The following PIN4 variants were observed in gnomAD, a reference collection of about 807,000 sequenced individuals.
PIN4 encodes peptidyl-prolyl cis-trans isomerase NIMA-interacting 4.
Under a neutral mutation model 8.3 loss-of-function variants are expected in PIN4, and 3 were observed. The ratio of observed to expected loss-of-function variants is 0.36; its 90% CI spans 0.16 to 0.93. The LOEUF (loss-of-function observed/expected upper bound fraction) is 0.93, where lower values mean the gene tolerates loss of function less well. Ranked by LOEUF, PIN4 falls within the 40% of genes least tolerant of loss-of-function variation. The probability of loss-of-function intolerance (pLI) is 0.44; values close to 1 mark genes in which losing one functional copy is unlikely to be tolerated. For missense variants in PIN4, 75 were observed against 100.6 expected, an observed-to-expected ratio of 0.75 and a Z score of 1.09; for synonymous variants, 18 against 32.5, an observed-to-expected ratio of 0.55 and a Z score of 1.52.
chrX:72,181,702 G>T, upstream of PIN4: 1 of 985,746 alleles, frequency 1.0e-6, no homozygotes, highest in Non-Finnish European at 1.5e-6. Context: ...TCAGGCATTT[G>T]TTTAGGACAT....
downstream of PIN4, among the ~76,000 whole-genome samples, chrX:72,200,006 A>G (rs1217411543): frequency 2.7e-5 from 3 of 110,972 alleles, no homozygotes; most frequent in Non-Finnish European, 5.7e-5. Flanking sequence ...TCTCTACTAA[A>G]AATACAAAAA....
intron 3 of PIN4, among the ~76,000 whole-genome samples, chrX:72,257,033 C>T (rs888469569): frequency 5.3e-5 from 6 of 112,285 alleles, no homozygotes; most frequent in South Asian, 3.7e-4. Flanking sequence ...AGAAAAGTGA[C>T]ATGATAGCTG....
At chrX:72,204,959 C>G (rs1455177182) in intron 3 of PIN4, 2 of 1,028,755 alleles carry the variant, frequency 1.9e-6, no homozygotes, top group African/African-American at 3.8e-5. Context: ...ATTATGGGAA[C>G]AAAAATTCCC....
At chrX:72,230,817 T>C (rs761775333) in intron 3 of PIN4, among the ~76,000 whole-genome samples, 1 of 110,618 alleles carries the variant, frequency 9.0e-6, no homozygotes, top group East Asian at 2.9e-4. Flanking sequence ...TACAAAAAAT[T>C]AGCCAGGCAT....
chrX:72,239,650 C>T lies in PIN4; in HGVS notation c.313-23057C>T, dbSNP rs761711236. Among the ~76,000 whole-genome samples the T allele has an allele frequency of 2.7e-5, 3 of 109,384 alleles. No individual in the cohort carries two copies. The East Asian group carries it at 8.7e-4, about 32-fold the overall frequency. The allele number at this position is 109,384 out of a possible 115,157, so 95.0% of individuals were successfully genotyped here. ...AGCCGGGCGTGGTGGCGGGCGCCCG[C>T]AGTCCCAGCTACTCGGGTGGCTGAG... On this transcript the variant is annotated intron_variant, in intron 3 of 3. Transcript: ENST00000423432.
At chrX:72,255,913 C>T (rs941781784) in intron 3 of PIN4, 2 of 111,484 alleles carry the variant, frequency 1.8e-5, no homozygotes, top group Admixed American at 1.9e-4. Flanking sequence ...GTTCTGGAAA[C>T]TCCAACGTTC....
chrX:72,228,338 G>A (rs1465806252), intron 3 of PIN4, among the ~76,000 whole-genome samples: 1 of 111,550 alleles, frequency 9.0e-6, no homozygotes, highest in African/African-American at 3.3e-5. Context: ...TCTAACAAAG[G>A]GACCTTACCA....
intron 2 of PIN4, among the ~76,000 whole-genome samples, chrX:72,189,505 G>T (rs2042721321): frequency 8.9e-6 from 1 of 112,031 alleles, no homozygotes; most frequent in African/African-American, 3.3e-5. Flanking sequence ...ATTCGCTGGA[G>T]ATTTCATTCA....
In PIN4 at chrX:72,197,672, A is replaced by C; in HGVS notation, c.*146A>C. 1.9e-6 allele frequency: 2 copies of C among 1,055,684 alleles called. No individual in the cohort carries two copies. The highest frequency in any genetic ancestry group is 3.8e-5 in the African/African-American group (2 of 53,097). The allele number at this position is 1,055,684 out of a possible 1,213,427, so 87.0% of individuals were successfully genotyped here. ...CTCCTTGTATTCTGTGAAAGCTCTA[A>C]GTATGGGTTTGTAGGTGTAAGAGAG... On this transcript the variant is annotated 3_prime_UTR_variant, in exon 4 of 4. Coordinates refer to ENST00000373669, the MANE Select transcript of PIN4 (RefSeq NM_006223.4).
intron 3 of PIN4, chrX:72,204,801 C>A: frequency 3.5e-6 from 1 of 284,554 alleles, no homozygotes; most frequent in Non-Finnish European, 6.1e-6. Flanking sequence ...ATAGAATATG[C>A]CTAAAATATA....
chrX:72,229,771 C>G (rs763085574), intron 3 of PIN4, among the ~76,000 whole-genome samples: 52 of 111,845 alleles, frequency 4.6e-4, no homozygotes, highest in Middle Eastern at 9.2e-3. Flanking sequence ...CCCTTAATAG[C>G]CACCTTGGGT....
At chrX:72,244,394 G>T (rs2043060040) in intron 3 of PIN4, among the ~76,000 whole-genome samples, 1 of 111,837 alleles carries the variant, frequency 8.9e-6, no homozygotes, top group African/African-American at 3.2e-5. Context: ...AAAAGGGAAG[G>T]GAAGGGCATT....
Position 72,234,588 on chromosome X carries a change from A to AT in PIN4, c.313-28108dup, listed in dbSNP as rs1182637953. The stretch of plus-strand genomic sequence containing the variant: ...GAAATGAAAATAGGATCAAGAGAGG[A>AT]TTTTTTTTTTTAACAATGAAAGAAT... On this transcript the variant is annotated intron_variant, in intron 3 of 3. Transcript: ENST00000423432. Among the ~76,000 whole-genome samples, 1,031 of 107,704 alleles carry AT rather than the reference A, an allele frequency of 9.6e-3. 14 individuals are homozygous for AT. The highest frequency in any genetic ancestry group is 0.018 in the African/African-American group (531 of 29,760). 93.5% of individuals were successfully genotyped at this position (107,704 alleles called of 115,157 possible). A position where few individuals can be genotyped will look rare whatever the true frequency, so the allele number is the denominator to read the frequency against.
At chrX:72,211,891 G>A (rs1361995761) in intron 3 of PIN4, among the ~76,000 whole-genome samples, 1 of 111,897 alleles carries the variant, frequency 8.9e-6, no homozygotes, top group East Asian at 2.8e-4. Flanking sequence ...CTACACTTTC[G>A]CTGGCAAAAC....
intron 3 of PIN4, among the ~76,000 whole-genome samples, chrX:72,218,129 G>A (rs1484779279): frequency 9.1e-6 from 1 of 109,699 alleles, no homozygotes; most frequent in African/African-American, 3.3e-5. Context: ...AATTAGCTGG[G>A]CATGGTGGTG....
intron 3 of PIN4, among the ~76,000 whole-genome samples, chrX:72,220,750 A>G (rs1344271840): frequency 9.0e-6 from 1 of 111,661 alleles, no homozygotes; most frequent in Non-Finnish European, 1.9e-5. Context: ...TAAAACCAAT[A>G]TATACTGTTA....
chrX:72,217,040 A>G (rs2147591563), intron 3 of PIN4, among the ~76,000 whole-genome samples: 1 of 112,282 alleles, frequency 8.9e-6, no homozygotes, highest in South Asian at 3.7e-4. Flanking sequence ...AGAAAAAAGG[A>G]TAATTTTGGT....
At chrX:72,237,182 T>A (rs2043021563) in intron 3 of PIN4, among the ~76,000 whole-genome samples, 1 of 111,606 alleles carries the variant, frequency 9.0e-6, no homozygotes, top group African/African-American at 3.3e-5. Context: ...AACAAAAGTA[T>A]AATGGCAAAC....
At chrX:72,209,053 T>C (rs1365955516) in intron 3 of PIN4, among the ~76,000 whole-genome samples, 1 of 111,314 alleles carries the variant, frequency 9.0e-6, no homozygotes, top group Non-Finnish European at 1.9e-5. Flanking sequence ...GGAACCTCTC[T>C]GGCCTTATTT....
Sources: allele counts gnomAD v4.1 joint callset (sites outside exome capture counted in the v4.1 genomes callset), GRCh38; gene constraint gnomAD v4.1.1; transcripts MANE v1.5; gene names NCBI Gene and HGNC (gene_info 2026-07-23, HGNC 2026-07-21).